Variants in TAOK3 observed in about 807,000 individuals in gnomAD.
TAOK3 encodes the protein TAO kinase 3, also known as serine/threonine-protein kinase TAO3.
TAOK3 carries 40 observed loss-of-function variants against 120.4 expected under a neutral mutation model. The observed-to-expected ratio is 0.33, with a 90% CI of 0.26 to 0.43. TAOK3 has a LOEUF of 0.43. Ranked by LOEUF, TAOK3 falls within the 20% of genes least tolerant of loss-of-function variation. The pLI, the probability that TAOK3 is intolerant of heterozygous loss-of-function variation, is 1.00. For missense variants in TAOK3, 821 were observed against 1,112.1 expected (o/e 0.74, Z 3.72); for synonymous variants, 355 against 387.5 (o/e 0.92, Z 0.99).
chr12:118,243,879 G>T (rs1383182497), intron 4 of TAOK3, among the ~76,000 whole-genome samples: 1 of 151,986 alleles, frequency 6.6e-6, no homozygotes, highest in Admixed American at 6.6e-5. Flanking sequence ...AGGTTTCTCC[G>T]TGTTGGCCAG....
At chr12:118,228,888 A>C (rs946564591) in intron 9 of TAOK3, among the ~76,000 whole-genome samples, 1 of 152,038 alleles carries the variant, frequency 6.6e-6, no homozygotes, top group Non-Finnish European at 1.5e-5. Flanking sequence ...TTTTCCATTT[A>C]GGTTTCCTCT....
At chr12:118,222,279 A>G (rs1441783137) in intron 9 of TAOK3, among the ~76,000 whole-genome samples, 1 of 152,160 alleles carries the variant, frequency 6.6e-6, no homozygotes, top group African/African-American at 2.4e-5. Flanking sequence ...TCACGCCTAT[A>G]ATCCCAGCAC....
chr12:118,244,529 T>TTC (rs1485132821), intron 4 of TAOK3, among the ~76,000 whole-genome samples: 11 of 129,850 alleles, frequency 8.5e-5, no homozygotes, highest in African/African-American at 2.5e-4. Context: ...TCTTTTTTCT[T>TTC]TTTCTTTTTT....
chr12:118,247,162 A>C (rs1436788662), intron 3 of TAOK3, among the ~76,000 whole-genome samples: 5 of 152,150 alleles, frequency 3.3e-5, no homozygotes, highest in African/African-American at 1.2e-4. Context: ...TGAGAAAATA[A>C]ATTTTAAATT....
At chr12:118,328,507 C>A (rs1343868157) in intron 1 of TAOK3, among the ~76,000 whole-genome samples, 1 of 152,106 alleles carries the variant, frequency 6.6e-6, no homozygotes, top group Non-Finnish European at 1.5e-5. Flanking sequence ...ATCCTCTACC[C>A]CAACTTACAT....
At chr12:118,163,391 T>C (rs2035347806) in intron 17 of TAOK3, among the ~76,000 whole-genome samples, 1 of 149,170 alleles carries the variant, frequency 6.7e-6, no homozygotes. Flanking sequence ...CTGAAATAAA[T>C]TTCAGTTAAC....
chr12:118,197,748 C>T (rs535273847), intron 13 of TAOK3, among the ~76,000 whole-genome samples: 14 of 132,138 alleles, frequency 1.1e-4, no homozygotes, highest in Admixed American at 1.0e-3. Flanking sequence ...AGTGCAGTGG[C>T]GCAATCCTGG....
intron 1 of TAOK3, among the ~76,000 whole-genome samples, chr12:118,370,677 GA>G (rs2045869450): frequency 6.6e-6 from 1 of 152,126 alleles, no homozygotes; most frequent in Non-Finnish European, 1.5e-5. Context: ...ATGTGCATTC[GA>G]GTTTGAAAAG....
At position 118,325,718 on chromosome 12, in the gene TAOK3, C is replaced by T. The variant is rs147511400; in HGVS notation, c.-194+46930G>A. 2.7e-3 allele frequency among the ~76,000 whole-genome samples: 415 copies of T among 152,182 alleles called. 3 individuals are homozygous for T. Among genetic ancestry groups the T allele is most frequent in the African/African-American group, 9.6e-3 (397 of 41,522 alleles). ...TCTTTGAGATAGAGTCTCGCTGTCT[C>T]GCCCAGGCTGGAGTGCAGTAGCATG... On this transcript the variant is annotated intron_variant, in intron 1 of 20. Coordinates refer to ENST00000392533, the MANE Select transcript of TAOK3 (RefSeq NM_016281.4).
intron 11 of TAOK3, among the ~76,000 whole-genome samples, chr12:118,203,857 CCAAA>C (rs1302614291): frequency 6.6e-6 from 1 of 152,158 alleles, no homozygotes; most frequent in African/African-American, 2.4e-5. Context: ...GACCTATCAA[CCAAA>C]CAAATAATAA....
At chr12:118,327,696 G>C (rs1405924527) in intron 1 of TAOK3, among the ~76,000 whole-genome samples, 1 of 152,080 alleles carries the variant, frequency 6.6e-6, no homozygotes, top group Non-Finnish European at 1.5e-5. Flanking sequence ...ATAAGCCTTA[G>C]GATTATTGGC....
intron 16 of TAOK3, among the ~76,000 whole-genome samples, chr12:118,175,294 G>GA (rs1280330661): frequency 1.3e-5 from 2 of 152,160 alleles, no homozygotes; most frequent in African/African-American, 4.8e-5. Flanking sequence ...AATTGGAGGA[G>GA]AACCTTGCTG....
At chr12:118,289,788 A>T (rs2042405016) in intron 1 of TAOK3, among the ~76,000 whole-genome samples, 1 of 152,122 alleles carries the variant, frequency 6.6e-6, no homozygotes, top group African/African-American at 2.4e-5. Context: ...TGAGGTCTGG[A>T]GTTTGAGACC....
chr12:118,235,234 AC>A (rs1404880147), intron 8 of TAOK3, among the ~76,000 whole-genome samples: 2 of 152,172 alleles, frequency 1.3e-5, no homozygotes, highest in Non-Finnish European at 2.9e-5. Context: ...CCCTGTCCTT[AC>A]CTGGAGGCTT....
intron 1 of TAOK3, among the ~76,000 whole-genome samples, chr12:118,352,539 T>TAC (rs1171036176): frequency 1.3e-5 from 2 of 151,926 alleles, no homozygotes; most frequent in Non-Finnish European, 2.9e-5. Flanking sequence ...CACATATATA[T>TAC]ACACACATAT....
intron 5 of TAOK3, among the ~76,000 whole-genome samples, chr12:118,239,979 C>T (rs907312415): frequency 1.6e-4 from 24 of 152,026 alleles, no homozygotes; most frequent in Non-Finnish European, 3.2e-4. Context: ...CCAGCCTAGT[C>T]AACATGGTGA....
At chr12:118,336,893 G>A (rs959169759) in intron 1 of TAOK3, among the ~76,000 whole-genome samples, 10 of 152,248 alleles carry the variant, frequency 6.6e-5, no homozygotes, top group South Asian at 2.1e-4. Flanking sequence ...CCAACATGGC[G>A]AAACCCTGTC....
intron 3 of TAOK3, among the ~76,000 whole-genome samples, chr12:118,252,170 G>A (rs912039960): frequency 2.0e-5 from 3 of 152,170 alleles, no homozygotes; most frequent in African/African-American, 7.2e-5. Flanking sequence ...CTCTTGCCAG[G>A]AGAGATTCTG....
intron 11 of TAOK3, among the ~76,000 whole-genome samples, chr12:118,206,869 A>G (rs1382106132): frequency 6.6e-6 from 1 of 152,098 alleles, no homozygotes; most frequent in Non-Finnish European, 1.5e-5. Flanking sequence ...TGCTGGGATT[A>G]CAGGCGTGAG....
Sources: allele counts gnomAD v4.1 joint callset (sites outside exome capture counted in the v4.1 genomes callset), GRCh38; gene constraint gnomAD v4.1.1; transcripts MANE v1.5; gene names NCBI Gene and HGNC (gene_info 2026-07-23, HGNC 2026-07-21).